The following RUFY2 variants were observed in gnomAD, a reference collection of about 807,000 sequenced individuals.
RUFY2 encodes RUN and FYVE domain-containing protein 2.
In RUFY2, 49 loss-of-function variants were observed where a neutral mutation model predicts 94.4. The observed-to-expected ratio is 0.52, with a 90% CI of 0.41 to 0.66. RUFY2 has a LOEUF of 0.66. RUFY2 is among the 30% of genes least tolerant of loss of function. The probability of loss-of-function intolerance (pLI) is 0.00; values close to 1 mark genes in which losing one functional copy is unlikely to be tolerated. For synonymous variants in RUFY2, 255 were observed against 235.7 expected (o/e 1.08, Z -0.75); for missense variants, 541 against 692.8 (o/e 0.78, Z 2.46).
At chr10:68,351,428 G>A (rs1249686044) in intron 16 of RUFY2, among the ~76,000 whole-genome samples, 1 of 128,610 alleles carries the variant, frequency 7.8e-6, no homozygotes, top group African/African-American at 2.9e-5. Context: ...GAGCCACCAC[G>A]CCCAACCTCC....
At chr10:68,386,245 A>G in intron 7 of RUFY2, 117 bp from the exon 8 acceptor site, 1 of 647,810 alleles carries the variant, frequency 1.5e-6, no homozygotes, top group Non-Finnish European at 2.5e-6. Flanking sequence ...CCCTGTCCAA[A>G]TTTCTGAGTG....
intron 1 of RUFY2, 94 bp downstream of exon 1, chr10:68,407,092 G>A: frequency 2.0e-6 from 3 of 1,505,526 alleles, no homozygotes; most frequent in African/African-American, 1.4e-5. Context: ...TGGCGGCCTC[G>A]GCGTCTCCCC....
rs931917056 is a variant in RUFY2 at position 68,372,858 on chromosome 10, T to C, written c.1325+3995A>G. On this transcript the variant is annotated intron_variant, in intron 13 of 17. Coordinates refer to ENST00000602465, the MANE Select transcript of RUFY2 (RefSeq NM_001330103.2). ...AGGAAATCAAGGCTGCAGTGAGCTG[T>C]GGTCACACCACTGCACTCCAGCCTG... 2.0e-5 allele frequency among the ~76,000 whole-genome samples: 3 copies of C among 151,398 alleles called. No individual in the cohort carries two copies. The Admixed American group carries it at 2.0e-4, about 10-fold the overall frequency.
At chr10:68,363,824 C>T (rs978659275) in intron 14 of RUFY2, 140 bp from the exon 15 acceptor site, 2 of 821,448 alleles carry the variant, frequency 2.4e-6, no homozygotes, top group Non-Finnish European at 3.7e-6. Flanking sequence ...TCTTTCCTAG[C>T]TGCTGTATCA....
At chr10:68,356,640 T>C (rs923812414) in intron 15 of RUFY2, among the ~76,000 whole-genome samples, 1 of 151,754 alleles carries the variant, frequency 6.6e-6, no homozygotes, top group Non-Finnish European at 1.5e-5. Flanking sequence ...CTCTGCCTCG[T>C]AGGTTCAAGT....
At chr10:68,406,586 C>T (rs952586172) in intron 1 of RUFY2, among the ~76,000 whole-genome samples, 6 of 152,194 alleles carry the variant, frequency 3.9e-5, no homozygotes, top group African/African-American at 2.4e-5. Context: ...CTTCTCCGGC[C>T]CGTACGCGAC....
chr10:68,386,094 A>G lies in RUFY2; in HGVS notation c.685T>C (p.Ser229Pro). The G allele has an allele frequency of 6.2e-7, 1 of 1,612,994 alleles. No homozygotes were observed. Among genetic ancestry groups the G allele is most frequent in the Admixed American group, 1.7e-5 (1 of 59,804 alleles). The change falls in exon 8 of 18, where the codon TCA becomes CCA. Residue 229 changes from serine (S) to proline (P), a missense_variant. Ser to Pro is a moderately conservative substitution (Grantham distance 74). Coordinates refer to ENST00000602465, the MANE Select transcript of RUFY2 (RefSeq NM_001330103.2). ...AGCTTAGTATTTGACTTTTCTAATG[A>G]ATCAACTCTTGAATGGAGGCTGCTG... is the stretch of plus-strand genomic sequence containing the variant. ...TVSSLHSRVD[S>P]LEKSNTKLIE...
intron 13 of RUFY2, among the ~76,000 whole-genome samples, chr10:68,369,135 A>C (rs1032071614): frequency 6.6e-6 from 1 of 152,190 alleles, no homozygotes; most frequent in South Asian, 2.1e-4. Context: ...TATGGTTTGA[A>C]TGTTTGTCCT....
chr10:68,368,688 G>A (rs777167854), intron 13 of RUFY2, among the ~76,000 whole-genome samples: 2 of 152,026 alleles, frequency 1.3e-5, no homozygotes, highest in African/African-American at 2.4e-5. Flanking sequence ...GAAGACTCCA[G>A]AAAGTAAAGA....
At chr10:68,404,622 G>C (rs2051128286) in intron 2 of RUFY2, 49 bp downstream of exon 2, 1 of 1,401,148 alleles carries the variant, frequency 7.1e-7, no homozygotes, top group Admixed American at 2.5e-5. Context: ...AAGGGCACTT[G>C]AAAAACGGAA....
intron 13 of RUFY2, among the ~76,000 whole-genome samples, chr10:68,369,871 G>C (rs895350720): frequency 1.3e-5 from 2 of 152,182 alleles, no homozygotes; most frequent in African/African-American, 4.8e-5. Flanking sequence ...GCCCTCACCA[G>C]AAGATGACCA....
At chr10:68,407,093 G>A in intron 1 of RUFY2, 93 bp downstream of exon 1, 2 of 1,506,802 alleles carry the variant, frequency 1.3e-6, no homozygotes, top group Non-Finnish European at 1.8e-6. Context: ...GGCGGCCTCG[G>A]CGTCTCCCCC....
intron 2 of RUFY2, among the ~76,000 whole-genome samples, chr10:68,403,876 C>T (rs995007126): frequency 6.6e-6 from 1 of 151,250 alleles, no homozygotes; most frequent in Non-Finnish European, 1.5e-5. Flanking sequence ...ACTGAAGCCT[C>T]GACCTCCTCA....
At chr10:68,353,805 AT>A (rs2046862725) in intron 16 of RUFY2, among the ~76,000 whole-genome samples, 1 of 151,968 alleles carries the variant, frequency 6.6e-6, no homozygotes, top group Admixed American at 6.6e-5. Context: ...TCTCAAAAAA[AT>A]AATAAATAAA....
At chr10:68,375,600 C>T (rs2048575488) in intron 13 of RUFY2, among the ~76,000 whole-genome samples, 1 of 151,726 alleles carries the variant, frequency 6.6e-6, no homozygotes. Flanking sequence ...CAGTGAAACC[C>T]CATCTCTACT....
chr10:68,391,171 A>G (rs1036525734), intron 7 of RUFY2, among the ~76,000 whole-genome samples: 2 of 151,798 alleles, frequency 1.3e-5, no homozygotes, highest in Non-Finnish European at 2.9e-5. Flanking sequence ...CCTGATCTCA[A>G]GTGATCCACA....
At chr10:68,381,768 A>C (rs2049074839) in intron 10 of RUFY2, among the ~76,000 whole-genome samples, 1 of 152,180 alleles carries the variant, frequency 6.6e-6, no homozygotes, top group Non-Finnish European at 1.5e-5. Context: ...GAATCACTCG[A>C]ACCCAGGAGG....
chr10:68,394,296 C>G (rs1476472836), intron 5 of RUFY2, 32 bp downstream of exon 5: 1 of 1,613,248 alleles, frequency 6.2e-7, no homozygotes, highest in Non-Finnish European at 8.5e-7. Context: ...ACTGAAAACA[C>G]TCTGCATTTG....
At chr10:68,355,150 A>G (rs996781558) in intron 16 of RUFY2, among the ~76,000 whole-genome samples, 9 of 152,120 alleles carry the variant, frequency 5.9e-5, no homozygotes, top group African/African-American at 2.2e-4. Context: ...CCCGGCCTCT[A>G]AGGTCAGTTT....
Sources: allele counts gnomAD v4.1 joint callset (sites outside exome capture counted in the v4.1 genomes callset), GRCh38; gene constraint gnomAD v4.1.1; transcripts MANE v1.5; gene names NCBI Gene and HGNC (gene_info 2026-07-23, HGNC 2026-07-21).